The following LCOR variants were observed in gnomAD, a reference collection of about 807,000 sequenced individuals.
LCOR encodes the protein ligand-dependent corepressor.
A neutral mutation model predicts 64.4 loss-of-function variants in LCOR; 14 were observed. That is an observed-to-expected ratio of 0.22 (90% CI 0.14 to 0.34). The LOEUF is 0.34. Among genes scored for constraint, LCOR ranks in the 10% least tolerant of loss-of-function variants. LCOR has a pLI of 1.00. For missense variants in LCOR, 1,686 were observed against 1,765.3 expected (o/e 0.96, Z 0.80); for synonymous variants, 643 against 642.5 (o/e 1.00, Z -0.01).
intron 4 of LCOR, among the ~76,000 whole-genome samples, chr10:96,927,532 AT>A (rs1405453161): frequency 2.6e-5 from 4 of 152,198 alleles, no homozygotes; most frequent in East Asian, 1.9e-4. Context: ...GTTCAAAAAA[AT>A]CTTTGCCTAT....
intron 4 of LCOR, among the ~76,000 whole-genome samples, chr10:96,920,489 T>TATATGTGTATATATATGTATATTCAG (rs1847037614): frequency 1.3e-5 from 1 of 74,436 alleles, no homozygotes; most frequent in Non-Finnish European, 2.6e-5. Flanking sequence ...TGTATATTCA[T>TATATGTGTATATATATGTATATTCAG]ATATATGTGT....
At chr10:96,974,419 T>A (rs763852699) in intron 7 of LCOR, among the ~76,000 whole-genome samples, 2 of 152,236 alleles carry the variant, frequency 1.3e-5, no homozygotes, top group Non-Finnish European at 2.9e-5. Flanking sequence ...TACAGAGTCC[T>A]CTTGATGAGC....
intron 5 of LCOR, among the ~76,000 whole-genome samples, chr10:96,945,819 T>C (rs939630702): frequency 1.3e-5 from 2 of 152,104 alleles, no homozygotes; most frequent in Non-Finnish European, 2.9e-5. Context: ...GGGACATTAA[T>C]AAAGTCAATC....
intron 2 of LCOR, among the ~76,000 whole-genome samples, chr10:96,857,916 C>G (rs550872069): frequency 6.6e-6 from 1 of 152,278 alleles, no homozygotes; most frequent in African/African-American, 2.4e-5. Flanking sequence ...ATTCCCTAAC[C>G]CCTGAAGTCT....
chr10:96,896,999 C>T (rs1305968026), intron 2 of LCOR, among the ~76,000 whole-genome samples: 4 of 147,722 alleles, frequency 2.7e-5, no homozygotes, highest in African/African-American at 1.0e-4. Context: ...TGAAGGAAAT[C>T]ATTCAGCTTA....
rs549004275 is a variant in LCOR, at chr10:96,944,100, A to G, written c.-183-13A>G. The G allele has an allele frequency of 5.1e-6, 5 of 985,642 alleles. No homozygotes were observed. In the East Asian group the frequency reaches 5.7e-4, roughly 112 times the overall value. 61.1% of individuals were successfully genotyped at this position (985,642 alleles called of 1,614,324 possible). A position where few individuals can be genotyped will look rare whatever the true frequency, so the allele number is the denominator to read the frequency against. The stretch of plus-strand genomic sequence containing the variant: ...AGACGTGTGTGCAACTATTTCACCA[A>G]GTATTTTTGCAGGGACACTTAGTCG... On this transcript the variant is annotated splice_polypyrimidine_tract_variant and intron_variant, in intron 4 of 7. Coordinates refer to ENST00000421806, the MANE Select transcript of LCOR (RefSeq NM_001346516.2).
chr10:96,895,892 G>C (rs1390896806), intron 2 of LCOR, among the ~76,000 whole-genome samples: 2 of 152,136 alleles, frequency 1.3e-5, no homozygotes, highest in African/African-American at 4.8e-5. Context: ...AGACCAGCCT[G>C]GGCAACATAG....
At chr10:96,948,969 A>G (rs1847631274) in intron 5 of LCOR, 39 bp from the exon 6 acceptor site, 3 of 1,462,486 alleles carry the variant, frequency 2.1e-6, no homozygotes, top group Non-Finnish European at 2.8e-6. Context: ...TTTTTAGTAC[A>G]TTGTCCCACT....
At chr10:96,873,571 C>CGCGTGTGTGT (rs1846110151) in intron 2 of LCOR, among the ~76,000 whole-genome samples, 2 of 126,340 alleles carry the variant, frequency 1.6e-5, no homozygotes, top group African/African-American at 5.6e-5. Context: ...CACACACACA[C>CGCGTGTGTGT]GTGTGTGTGT....
At chr10:96,857,239 T>C (rs1845821582) in intron 2 of LCOR, among the ~76,000 whole-genome samples, 1 of 152,190 alleles carries the variant, frequency 6.6e-6, no homozygotes, top group African/African-American at 2.4e-5. Flanking sequence ...TTTAAGTAAG[T>C]AGAAGAGTTT....
intron 2 of LCOR, among the ~76,000 whole-genome samples, chr10:96,887,693 T>C (rs1846367429): frequency 6.6e-6 from 1 of 152,052 alleles, no homozygotes; most frequent in Non-Finnish European, 1.5e-5. Flanking sequence ...TTTTTTTTTT[T>C]TTTAATTGAG....
intron 4 of LCOR, among the ~76,000 whole-genome samples, chr10:96,915,393 C>G (rs546347871): frequency 1.1e-4 from 17 of 152,216 alleles, no homozygotes; most frequent in South Asian, 6.2e-4. Flanking sequence ...TGGTGACGTG[C>G]GCCTGTAGTC....
intron 7 of LCOR, among the ~76,000 whole-genome samples, chr10:96,976,389 T>A (rs555950293): frequency 2.2e-4 from 33 of 152,234 alleles, no homozygotes; most frequent in Admixed American, 8.5e-4. Context: ...CAGGTTAGAG[T>A]TCAGTGGATC....
At chr10:96,976,002 C>G (rs1158727904) in intron 7 of LCOR, among the ~76,000 whole-genome samples, 1 of 152,040 alleles carries the variant, frequency 6.6e-6, no homozygotes, top group Non-Finnish European at 1.5e-5. Flanking sequence ...GCAACAACAG[C>G]GAAACACACA....
intron 7 of LCOR, among the ~76,000 whole-genome samples, chr10:96,976,472 A>G (rs574118305): frequency 6.0e-4 from 91 of 152,272 alleles, no homozygotes; most frequent in African/African-American, 2.2e-3. Flanking sequence ...GAGGTTGTGA[A>G]ATACATTCCT....
At chr10:96,855,788 C>T (rs1388327866) in intron 2 of LCOR, among the ~76,000 whole-genome samples, 1 of 151,952 alleles carries the variant, frequency 6.6e-6, no homozygotes, top group Non-Finnish European at 1.5e-5. Flanking sequence ...ATTGCCCAGG[C>T]TGGAGTGCAA....
chr10:96,906,963 G>A (rs1444815212), intron 2 of LCOR, among the ~76,000 whole-genome samples: 2 of 152,188 alleles, frequency 1.3e-5, no homozygotes, highest in African/African-American at 4.8e-5. Context: ...TGGAGCCTGA[G>A]AGTTTGTACA....
At chr10:96,949,682 C>T (rs1348237343) in intron 6 of LCOR, among the ~76,000 whole-genome samples, 1 of 152,072 alleles carries the variant, frequency 6.6e-6, no homozygotes, top group African/African-American at 2.4e-5. Context: ...GAGAAATATG[C>T]CTCTACTTGC....
rs191081143 is a variant in LCOR at position 96,920,677 on chromosome 10, T to G, written c.-184+12930T>G. On this transcript the variant is annotated intron_variant, in intron 4 of 7. Coordinates refer to ENST00000421806, the MANE Select transcript of LCOR (RefSeq NM_001346516.2). ...GTGTATATATGTATATATGTATATA[T>G]TCATATATGTGTATATATGTTCATA... Among the ~76,000 whole-genome samples the G allele has an allele frequency of 6.3e-4, 91 of 143,914 alleles. 1 individual carries two copies. In the East Asian group the frequency reaches 0.012, roughly 19 times the overall value. 94.4% of individuals were successfully genotyped at this position (143,914 alleles called of 152,430 possible).
Sources: gnomAD v4.1 joint callset for allele counts (sites outside exome capture counted in the v4.1 genomes callset) on GRCh38, gnomAD v4.1.1 for gene constraint, MANE v1.5 for transcripts, NCBI Gene and HGNC (gene_info 2026-07-23, HGNC 2026-07-21) for gene names.